Variants in MAD1L1 observed in about 807,000 individuals in gnomAD.
MAD1L1 encodes the protein mitotic arrest deficient 1 like 1.
A neutral mutation model predicts 96.9 loss-of-function variants in MAD1L1; 95 were observed. That is an observed-to-expected ratio of 0.98 (90% CI 0.83 to 1.16). The LOEUF is 1.16. Ranked by LOEUF, MAD1L1 falls within the 50% of genes most tolerant of loss-of-function variation. MAD1L1 has a pLI of 0.00. For missense variants in MAD1L1, 1,007 were observed against 954.4 expected (o/e 1.06, Z -0.73); for synonymous variants, 473 against 396.6 (o/e 1.19, Z -2.29).
intron 10 of MAD1L1, among the ~76,000 whole-genome samples, chr7:2,177,937 CAA>C (rs879927330): frequency 0.013 from 2,046 of 152,310 alleles, 36 homozygotes; most frequent in South Asian, 0.032. Flanking sequence ...ACACCACTTT[CAA>C]ACACACCAGG....
intron 12 of MAD1L1, among the ~76,000 whole-genome samples, chr7:2,061,870 C>G (rs918623741): frequency 6.6e-6 from 1 of 152,222 alleles, no homozygotes; most frequent in African/African-American, 2.4e-5. Context: ...ACACACATGA[C>G]TCTCACAAAG....
chr7:2,221,000 T>C lies in MAD1L1; in HGVS notation c.472-1544A>G, dbSNP rs375213626. 24 of 1,611,930 alleles carry C rather than the reference T, an allele frequency of 1.5e-5. 1 individual carries two copies. The highest frequency in any genetic ancestry group is 1.9e-5 in the Non-Finnish European group (23 of 1,179,582). ...AGAGGCGCATAAGATAATTCCAGAG[T>C]AAGGAGCGTGACAATCAGGACCCTG... On this transcript the variant is annotated intron_variant, in intron 5 of 18. Transcript: ENST00000265854.
intron 11 of MAD1L1, among the ~76,000 whole-genome samples, chr7:2,111,205 C>T (rs1787362434): frequency 6.6e-6 from 1 of 152,224 alleles, no homozygotes; most frequent in Admixed American, 6.5e-5. Context: ...TCCCCCCACA[C>T]CATGCGGTCT....
chr7:1,825,960 C>T (rs1782369422), intron 18 of MAD1L1, among the ~76,000 whole-genome samples: 1 of 152,118 alleles, frequency 6.6e-6, no homozygotes, highest in Non-Finnish European at 1.5e-5. Flanking sequence ...ACGGTCCCAG[C>T]CCCAGGGTTG....
At position 2,174,854 on chromosome 7, in the gene MAD1L1, T is replaced by C. The variant is rs79353674; in HGVS notation, c.987-25616A>G. Among the ~76,000 whole-genome samples the C allele has an allele frequency of 3.6e-3, 551 of 152,364 alleles. 2 individuals are homozygous for C. The highest frequency in any genetic ancestry group is 0.013 in the African/African-American group (524 of 41,580). On this transcript the variant is annotated intron_variant, in intron 10 of 18. Coordinates refer to ENST00000265854, the MANE Select transcript of MAD1L1 (RefSeq NM_001013836.2). ...TTCCATTTCCTCTACACTGTTTTTCTGTTTGCTTGGTCTATACCTTTTACA... is the reference window on the plus strand; with the variant it reads ...TTCCATTTCCTCTACACTGTTTTTCCGTTTGCTTGGTCTATACCTTTTACA...
intron 15 of MAD1L1, among the ~76,000 whole-genome samples, chr7:1,959,175 C>T (rs181916053): frequency 1.9e-4 from 29 of 152,256 alleles, no homozygotes; most frequent in African/African-American, 6.7e-4. Flanking sequence ...TCGCTTGAAC[C>T]CAGGGGGTGG....
chr7:2,127,139 C>T lies in MAD1L1; in HGVS notation c.1073+22013G>A, dbSNP rs182826907. On this transcript the variant is annotated intron_variant, in intron 11 of 18. Transcript: ENST00000265854. ...TGGGGACAGTCTTCCACAGTGCTGG[C>T]CTGACCCGCTTGTTCCAGAAGAGAG... Among the ~76,000 whole-genome samples, 714 of 152,322 alleles carry T rather than the reference C, an allele frequency of 4.7e-3. 10 individuals carry two copies. Among genetic ancestry groups the T allele is most frequent in the African/African-American group, 0.016 (679 of 41,552 alleles).
chr7:1,915,626 A>C (rs1788336067), intron 17 of MAD1L1, among the ~76,000 whole-genome samples: 1 of 152,174 alleles, frequency 6.6e-6, no homozygotes, highest in Non-Finnish European at 1.5e-5. Flanking sequence ...GTACAAGCAA[A>C]TGTGTCGCCG....
At chr7:2,223,421 G>A (rs1044155887) in intron 4 of MAD1L1, 1 of 152,298 alleles carries the variant, frequency 6.6e-6, no homozygotes, top group African/African-American at 2.4e-5. Context: ...AGAGTTCACT[G>A]CCAGGTACCG....
chr7:1,919,989 G>A (rs1333844474), intron 17 of MAD1L1, among the ~76,000 whole-genome samples: 1 of 151,690 alleles, frequency 6.6e-6, no homozygotes, highest in Non-Finnish European at 1.5e-5. Flanking sequence ...GAGGGCCAGT[G>A]CCAACAGCTC....
intron 17 of MAD1L1, among the ~76,000 whole-genome samples, chr7:1,933,708 A>C (rs1046837837): frequency 4.6e-5 from 7 of 152,210 alleles, no homozygotes; most frequent in African/African-American, 1.7e-4. Context: ...TGCTCCAAGA[A>C]TAAACTGCTG....
At chr7:1,885,511 C>T (rs759217937) in intron 18 of MAD1L1, among the ~76,000 whole-genome samples, 17 of 152,236 alleles carry the variant, frequency 1.1e-4, no homozygotes, top group South Asian at 8.3e-4. Flanking sequence ...GGGGTGCGGT[C>T]GGAAGGGCAG....
Position 1,987,669 on chromosome 7 carries a change from CG to C in MAD1L1, c.1417-7129del, listed in dbSNP as rs774933168. ...CCCTCGCCCAGCCGCCGGGCCCGCA[CG>C]GCAGGGCCACGGCCGCCCGGCAGCC... On this transcript the variant is annotated intron_variant, in intron 14 of 18. Coordinates refer to ENST00000265854, the MANE Select transcript of MAD1L1 (RefSeq NM_001013836.2). Among the ~76,000 whole-genome samples, 5 of 152,320 alleles carry C rather than the reference CG, an allele frequency of 3.3e-5. No individual in the cohort carries two copies. In the East Asian group the frequency reaches 5.8e-4, roughly 18 times the overall value.
chr7:2,058,808 AGTGGGAGTGTG>A (rs1784499208), intron 12 of MAD1L1, among the ~76,000 whole-genome samples: 1 of 107,610 alleles, frequency 9.3e-6, no homozygotes. Flanking sequence ...GCGGGGCTGG[AGTGGGAGTGTG>A]GCCAGAGGAG....
chr7:2,079,864 C>T (rs936184425), intron 11 of MAD1L1: 41 of 408,906 alleles, frequency 1.0e-4, no homozygotes, highest in African/African-American at 7.3e-4. Flanking sequence ...ACTAAACAAC[C>T]GCCCCATGCC....
chr7:1,945,787 C>T (rs547697530), intron 16 of MAD1L1, among the ~76,000 whole-genome samples: 3 of 152,304 alleles, frequency 2.0e-5, no homozygotes, highest in African/African-American at 4.8e-5. Flanking sequence ...CTCTGCATGG[C>T]GTGGCTGTGG....
intron 12 of MAD1L1, among the ~76,000 whole-genome samples, chr7:2,024,242 T>C (rs1782904781): frequency 6.6e-6 from 1 of 152,172 alleles, no homozygotes; most frequent in Non-Finnish European, 1.5e-5. Flanking sequence ...CCCAGAAATT[T>C]GATAACTTAG....
chr7:1,939,190 G>A (rs1327996031), intron 16 of MAD1L1, among the ~76,000 whole-genome samples: 1 of 30,312 alleles, frequency 3.3e-5, no homozygotes, highest in African/African-American at 1.3e-4. Context: ...AGGACCAGAG[G>A]CGCTCACACA....
chr7:1,885,393 C>T (rs1279698971), intron 18 of MAD1L1, among the ~76,000 whole-genome samples: 2 of 152,184 alleles, frequency 1.3e-5, no homozygotes, highest in South Asian at 2.1e-4. Flanking sequence ...GAGGGCTTAA[C>T]GAGGGCTTTG....
Sources: allele counts gnomAD v4.1 joint callset (sites outside exome capture counted in the v4.1 genomes callset), GRCh38; gene constraint gnomAD v4.1.1; transcripts MANE v1.5; gene names NCBI Gene and HGNC (gene_info 2026-07-23, HGNC 2026-07-21).